The following PTPRT variants were observed in gnomAD, a reference collection of about 807,000 sequenced individuals.
PTPRT encodes the protein protein tyrosine phosphatase receptor type T.
In PTPRT, 56 loss-of-function variants were observed where a neutral mutation model predicts 176.8. That is an observed-to-expected ratio of 0.32 (90% CI 0.26 to 0.40). The LOEUF (loss-of-function observed/expected upper bound fraction) is 0.40. PTPRT is among the 10% of genes least tolerant of loss of function. The pLI is 1.00. For missense variants in PTPRT, 1,540 were observed against 1,908.2 expected (o/e 0.81, Z 3.60); for synonymous variants, 783 against 739.0 (o/e 1.06, Z -0.96).
chr20:42,203,364 AG>A (rs746086840), intron 15 of PTPRT, among the ~76,000 whole-genome samples: 36 of 152,248 alleles, frequency 2.4e-4, no homozygotes, highest in Non-Finnish European at 3.8e-4. Context: ...ATCTGTGAAT[AG>A]GGCAAACAAG....
chr20:42,582,368 C>T (rs2073389342), intron 7 of PTPRT, among the ~76,000 whole-genome samples: 2 of 152,158 alleles, frequency 1.3e-5, no homozygotes, highest in African/African-American at 4.8e-5. Flanking sequence ...GGTGGAATCA[C>T]AGGCTGGAAC....
intron 16 of PTPRT, among the ~76,000 whole-genome samples, chr20:42,189,033 TC>T (rs969999471): frequency 1.4e-4 from 21 of 152,114 alleles, no homozygotes; most frequent in Admixed American, 7.9e-4. Flanking sequence ...TCACTCCAAT[TC>T]CCAAGCAGGT....
At chr20:43,067,168 C>A (rs1487278129) in intron 1 of PTPRT, among the ~76,000 whole-genome samples, 1 of 152,148 alleles carries the variant, frequency 6.6e-6, no homozygotes, top group Non-Finnish European at 1.5e-5. Context: ...CCGACACATG[C>A]TACAGTATGG....
chr20:42,166,196 G>A (rs1214758142), intron 16 of PTPRT, among the ~76,000 whole-genome samples: 1 of 152,152 alleles, frequency 6.6e-6, no homozygotes, highest in Non-Finnish European at 1.5e-5. Context: ...GTTCTAAAGA[G>A]AGGTAATTTA....
intron 11 of PTPRT, among the ~76,000 whole-genome samples, chr20:42,335,874 A>C (rs1329657440): frequency 6.6e-6 from 1 of 152,170 alleles, no homozygotes; most frequent in Non-Finnish European, 1.5e-5. Context: ...AAGTAGTATA[A>C]CATAGTAGTA....
chr20:42,495,711 T>A (rs554643076), intron 7 of PTPRT, among the ~76,000 whole-genome samples: 23 of 152,164 alleles, frequency 1.5e-4, no homozygotes, highest in Non-Finnish European at 2.9e-4. Context: ...GGTTAAAATA[T>A]AACAAATTCC....
chr20:42,730,505 T>C (rs930716380), intron 6 of PTPRT, among the ~76,000 whole-genome samples: 7 of 152,148 alleles, frequency 4.6e-5, no homozygotes, highest in African/African-American at 1.7e-4. Flanking sequence ...AGATAGAGGA[T>C]AGAGCAAAGG....
At chr20:42,433,181 A>G (rs1306122497) in intron 9 of PTPRT, among the ~76,000 whole-genome samples, 1 of 152,102 alleles carries the variant, frequency 6.6e-6, no homozygotes, top group African/African-American at 2.4e-5. Context: ...CATCTGCTTT[A>G]TCTTCTTGTT....
chr20:42,431,888 T>A (rs2059218346), intron 9 of PTPRT, among the ~76,000 whole-genome samples: 1 of 152,226 alleles, frequency 6.6e-6, no homozygotes, highest in Non-Finnish European at 1.5e-5. Context: ...AGCTCTGGTC[T>A]CTTTATCCAA....
chr20:42,255,769 AC>A (rs1405607462), intron 13 of PTPRT, among the ~76,000 whole-genome samples: 3 of 152,214 alleles, frequency 2.0e-5, no homozygotes, highest in African/African-American at 7.2e-5. Context: ...CAGATAAAGA[AC>A]ATTTAATTGC....
chr20:42,641,041 C>T (rs2074735389), intron 7 of PTPRT, among the ~76,000 whole-genome samples: 1 of 152,104 alleles, frequency 6.6e-6, no homozygotes, highest in Non-Finnish European at 1.5e-5. Flanking sequence ...GCATAATATT[C>T]CACTAAGTGG....
chr20:43,181,864 G>A (rs2015267158), intron 1 of PTPRT, among the ~76,000 whole-genome samples: 1 of 152,098 alleles, frequency 6.6e-6, no homozygotes, highest in African/African-American at 2.4e-5. Flanking sequence ...GTTGTCACTG[G>A]AAAATAAGGA....
intron 9 of PTPRT, among the ~76,000 whole-genome samples, chr20:42,422,167 C>A (rs765536779): frequency 1.5e-4 from 23 of 152,110 alleles, no homozygotes; most frequent in Non-Finnish European, 2.9e-4. Flanking sequence ...TATGAAGATG[C>A]CAAAAGCAAT....
intron 7 of PTPRT, among the ~76,000 whole-genome samples, chr20:42,609,762 A>G (rs951247018): frequency 1.3e-5 from 2 of 152,238 alleles, no homozygotes; most frequent in Non-Finnish European, 2.9e-5. Context: ...GTAGGCTGGC[A>G]GACAAATAAG....
rs545489508 is a variant in PTPRT at position 42,579,371 on chromosome 20, G to A, written c.1153+98495C>T. ...GTGAATAGTGCTGCAATAAACATGCGTGTGCATGTGTCTTTATAGCAGCAT... is the reference window on the plus strand; with the variant it reads ...GTGAATAGTGCTGCAATAAACATGCATGTGCATGTGTCTTTATAGCAGCAT... On this transcript the variant is annotated intron_variant, in intron 7 of 30. Coordinates refer to ENST00000373187, the MANE Select transcript of PTPRT (RefSeq NM_007050.6). Among the ~76,000 whole-genome samples, 75 of 152,196 alleles carry A rather than the reference G, an allele frequency of 4.9e-4. 1 individual carries two copies. In the South Asian group the frequency reaches 0.014, roughly 29 times the overall value.
intron 1 of PTPRT, among the ~76,000 whole-genome samples, chr20:42,892,518 C>T (rs1568664605): frequency 6.6e-6 from 1 of 151,964 alleles, no homozygotes; most frequent in Non-Finnish European, 1.5e-5. Flanking sequence ...TGGGCTAAAC[C>T]TAAAAAAGGT....
intron 7 of PTPRT, among the ~76,000 whole-genome samples, chr20:42,614,878 G>C (rs1027126763): frequency 6.6e-6 from 1 of 151,816 alleles, no homozygotes; most frequent in Non-Finnish European, 1.5e-5. Context: ...CTCAGGCAAA[G>C]AGAGAGCTTG....
At chr20:42,058,349 A>G in the PTPRT span, among the ~76,000 whole-genome samples, 1 of 152,232 alleles carries the variant, frequency 6.6e-6, no homozygotes, top group African/African-American at 2.4e-5. Flanking sequence ...TGGGCTTAAT[A>G]GCACCTTATC....
At chr20:43,128,105 A>T (rs1274638202) in intron 1 of PTPRT, among the ~76,000 whole-genome samples, 2 of 152,186 alleles carry the variant, frequency 1.3e-5, no homozygotes, top group African/African-American at 4.8e-5. Flanking sequence ...AGGGTTAGTT[A>T]GATGTAACTT....
Sources: allele counts gnomAD v4.1 joint callset (sites outside exome capture counted in the v4.1 genomes callset), GRCh38; gene constraint gnomAD v4.1.1; transcripts MANE v1.5; gene names NCBI Gene and HGNC (gene_info 2026-07-23, HGNC 2026-07-21).